Variants in PAX2 observed in about 807,000 individuals in gnomAD.
The protein encoded by PAX2 is paired box 2.
Under a neutral mutation model 41.7 loss-of-function variants are expected in PAX2, and 9 were observed. The observed-to-expected ratio is 0.22, with a 90% CI of 0.13 to 0.38. The LOEUF (loss-of-function observed/expected upper bound fraction) is 0.38. Ranked by LOEUF, PAX2 falls within the 10% of genes least tolerant of loss-of-function variation. PAX2 has a pLI of 1.00. For missense variants in PAX2, 418 were observed against 531.6 expected (o/e 0.79, Z 2.10); for synonymous variants, 221 against 212.7 (o/e 1.04, Z -0.34).
intron 6 of PAX2, among the ~76,000 whole-genome samples, chr10:100,807,432 C>T (rs373163930): frequency 4.7e-5 from 7 of 148,038 alleles, no homozygotes; most frequent in South Asian, 2.2e-4. Context: ...CACACACCAC[C>T]GCCCACCTGT....
intron 5 of PAX2, chr10:100,786,802 C>T (rs1846885369): frequency 2.1e-6 from 1 of 486,310 alleles, no homozygotes; most frequent in Non-Finnish European, 4.1e-6. Flanking sequence ...TACAGCCAGG[C>T]TGTGAGGGAA....
In PAX2 at chr10:100,745,710, G is replaced by T; in HGVS notation, c.-551G>T. 9.8e-7 allele frequency: 1 copy of T among 1,019,866 alleles called. No individual in the cohort carries two copies. The highest frequency in any genetic ancestry group is 1.2e-6 in the Non-Finnish European group (1 of 848,618). 63.2% of individuals were successfully genotyped at this position (1,019,866 alleles called of 1,614,324 possible). Reference sequence around the variant, plus strand: ...CGGCGTGCGCCTGCCTTTTCCGGGGGCGGGGGCCTGGCCCGCGCGCTCCCC... The same window carrying T: ...CGGCGTGCGCCTGCCTTTTCCGGGGTCGGGGGCCTGGCCCGCGCGCTCCCC... On this transcript the variant is annotated 5_prime_UTR_variant, in exon 1 of 10. Coordinates refer to ENST00000355243, the MANE Select transcript of PAX2 (RefSeq NM_000278.5).
chr10:100,798,346 G>T (rs942155909), intron 5 of PAX2, among the ~76,000 whole-genome samples: 1 of 151,874 alleles, frequency 6.6e-6, no homozygotes, highest in Non-Finnish European at 1.5e-5. Context: ...GACCTCCTGA[G>T]CTCAAGCAAT....
rs1277540512 is a variant in PAX2 at position 100,806,611 on chromosome 10, G to A, written c.792+6G>A. On this transcript the variant is annotated splice_donor_region_variant and intron_variant, in intron 6 of 9. Transcript: ENST00000355243. ...AGCACATCAAATCAGAACAGGTGAG[G>A]AGGGAGCTTTCTGCTTGCAGAAGTA... The A allele has an allele frequency of 6.2e-7, 1 of 1,613,356 alleles. No homozygotes were observed.
Position 100,827,143 on chromosome 10 carries a change from T to C in PAX2, c.1108+48T>C, listed in dbSNP as rs774094784. ...CGGCGGCTCAGCGCGGCCGCGCGGC[T>C]TCTGGGCACGGTCCCACTCCCGGCG... On this transcript the variant is annotated intron_variant, in intron 9 of 9. Transcript: ENST00000355243. The surrounding 1 kb of genome is among the most constrained non-coding windows in gnomAD (Gnocchi z 8.5). 2.0e-6 allele frequency: 3 copies of C among 1,481,962 alleles called. No homozygotes were observed. The highest frequency in any genetic ancestry group is 2.8e-5 in the African/African-American group (2 of 72,018). 91.8% of individuals were successfully genotyped at this position (1,481,962 alleles called of 1,614,324 possible).
intron 4 of PAX2, among the ~76,000 whole-genome samples, chr10:100,780,375 G>A (rs1350403879): frequency 1.3e-5 from 2 of 152,162 alleles, no homozygotes; most frequent in East Asian, 3.9e-4. Flanking sequence ...CATAGATGAG[G>A]CCCGGGGTTT....
intron 3 of PAX2, among the ~76,000 whole-genome samples, chr10:100,771,478 C>T (rs573872897): frequency 6.6e-6 from 1 of 152,344 alleles, no homozygotes; most frequent in South Asian, 2.1e-4. Flanking sequence ...AAGCCACGTG[C>T]AGGAGAGATG....
intron 3 of PAX2, among the ~76,000 whole-genome samples, chr10:100,767,874 T>A (rs186424088): frequency 1.3e-5 from 2 of 152,276 alleles, no homozygotes; most frequent in Admixed American, 1.3e-4. Flanking sequence ...AATAGGTTTT[T>A]GTTGCAATGC....
In PAX2 at chr10:100,827,756, C is replaced by A; in HGVS notation, c.*137C>A. Reference sequence around the variant, plus strand: ...CCACCGCCCCAGCCTCACCCCATCCCACGACCCCCGCAACCCTTCACATCA... The same window carrying A: ...CCACCGCCCCAGCCTCACCCCATCCAACGACCCCCGCAACCCTTCACATCA... On this transcript the variant is annotated 3_prime_UTR_variant, in exon 10 of 10. Coordinates refer to ENST00000355243, the MANE Select transcript of PAX2 (RefSeq NM_000278.5). The surrounding 1 kb of genome is among the most constrained non-coding windows in gnomAD (Gnocchi z 8.5). 7.1e-7 allele frequency: 1 copy of A among 1,404,540 alleles called. No homozygotes were observed. Among genetic ancestry groups the A allele is most frequent in the Non-Finnish European group, 1.0e-6 (1 of 999,770 alleles). The allele number at this position is 1,404,540 out of a possible 1,614,324, so 87.0% of individuals were successfully genotyped here. A position where few individuals can be genotyped will look rare whatever the true frequency, so the allele number is the denominator to read the frequency against.
At chr10:100,787,331 G>C (rs1430709944) in intron 5 of PAX2, among the ~76,000 whole-genome samples, 1 of 152,126 alleles carries the variant, frequency 6.6e-6, no homozygotes, top group East Asian at 1.9e-4. Context: ...AAGGAGACCT[G>C]GAAGCACCTG....
rs747922414 is a variant in PAX2 at position 100,779,551 on chromosome 10, G to C, written c.464G>C (p.Gly155Ala). The C allele has an allele frequency of 1.9e-6, 3 of 1,595,574 alleles. No individual in the cohort carries two copies. The African/African-American group carries it at 4.0e-5, about 21-fold the overall frequency. The change falls in exon 4 of 10, where the codon GGG becomes GCG. Residue 155 changes from glycine to alanine, a missense_variant. This residue lies in a region of PAX2 where 310 missense variants were observed against 325.2 expected (regional missense o/e 0.95). Coordinates refer to ENST00000355243, the MANE Select transcript of PAX2 (RefSeq NM_000278.5). ...TTCCACCCAACGCCGGATGGGGCTG[G>C]GACAGGAGTGACCGCCCCTGGCCAC... ...QPFHPTPDGA[G>A]TGVTAPGHTI... is the part of the protein sequence containing the mutation.
In PAX2 at chr10:100,746,073, C is replaced by A; in HGVS notation, c.-188C>A. The A allele has an allele frequency of 6.7e-7, 1 of 1,489,096 alleles. No individual in the cohort carries two copies. Among genetic ancestry groups the A allele is most frequent in the Non-Finnish European group, 8.9e-7 (1 of 1,128,580 alleles). 92.2% of individuals were successfully genotyped at this position (1,489,096 alleles called of 1,614,324 possible). A position where few individuals can be genotyped will look rare whatever the true frequency, so the allele number is the denominator to read the frequency against. On this transcript the variant is annotated 5_prime_UTR_variant, in exon 1 of 10. Transcript: ENST00000355243. ...CGGCTACTGCAGTTGCAAGCTCCGGCCAACCCGGAGGAGCCCCAGCGGGGA... is the reference window on the plus strand; with the variant it reads ...CGGCTACTGCAGTTGCAAGCTCCGGACAACCCGGAGGAGCCCCAGCGGGGA...
chr10:100,736,688 G>A (rs1009447438), intron 1 of PAX2, among the ~76,000 whole-genome samples: 2 of 151,784 alleles, frequency 1.3e-5, no homozygotes, highest in African/African-American at 2.4e-5. Flanking sequence ...CCAATCCCTG[G>A]GCTGTACCCA....
At chr10:100,793,682 C>G (rs894997059) in intron 5 of PAX2, among the ~76,000 whole-genome samples, 5 of 152,224 alleles carry the variant, frequency 3.3e-5, no homozygotes, top group Non-Finnish European at 5.9e-5. Context: ...CCTAAGGGGC[C>G]CCTCAGACAA....
At chr10:100,823,215 T>A (rs1848428270) in intron 7 of PAX2, among the ~76,000 whole-genome samples, 1 of 152,096 alleles carries the variant, frequency 6.6e-6, no homozygotes, top group African/African-American at 2.4e-5. Context: ...ATATTCAAGA[T>A]CATAAGAACC....
chr10:100,792,717 C>T (rs528406824), intron 5 of PAX2, among the ~76,000 whole-genome samples: 24 of 149,094 alleles, frequency 1.6e-4, no homozygotes, highest in Admixed American at 6.0e-4. Flanking sequence ...CCCCCCTGCT[C>T]TCTCCCTCCC....
At position 100,828,308 on chromosome 10, in the gene PAX2, G is replaced by C. The variant is rs2133992381; in HGVS notation, c.*689G>C. On this transcript the variant is annotated 3_prime_UTR_variant, in exon 10 of 10. Transcript: ENST00000355243. This position sits in a 1 kb window ranked among gnomAD's most constrained non-coding sequence, Gnocchi z 6.5. ...AGGTCTTTCCAAGGTTGGGACCCAA[G>C]GATCGGGGGGCCCAGCAGCCCGCAC... 1 of 232,556 alleles carries C rather than the reference G, an allele frequency of 4.3e-6. No homozygotes were observed. The highest frequency in any genetic ancestry group is 8.5e-6 in the Non-Finnish European group (1 of 117,722). 14.4% of individuals were successfully genotyped at this position (232,556 alleles called of 1,614,324 possible). A position where few individuals can be genotyped will look rare whatever the true frequency, so the allele number is the denominator to read the frequency against.
chr10:100,735,755 C>T, intron 1 of PAX2: 1 of 1,036,832 alleles, frequency 9.6e-7, no homozygotes, highest in Non-Finnish European at 1.2e-6. Flanking sequence ...AGAGACCCGT[C>T]CGCGCCGCAG....
chr10:100,746,429 C>T, intron 1 of PAX2, 126 bp downstream of exon 1: 1 of 772,638 alleles, frequency 1.3e-6, no homozygotes, highest in East Asian at 2.5e-5. Flanking sequence ...CTTCTGGTCC[C>T]TCTTTTCGTT....
Sources: allele counts gnomAD v4.1 joint callset (sites outside exome capture counted in the v4.1 genomes callset), GRCh38; gene constraint gnomAD v4.1.1; regional missense constraint gnomAD v4.1.1; non-coding constraint Gnocchi (gnomAD v3.1); transcripts MANE v1.5; gene names NCBI Gene and HGNC (gene_info 2026-07-23, HGNC 2026-07-21).